B4GALT6: variants seen among roughly 807,000 people sequenced by gnomAD.
B4GALT6 encodes the protein UDP-Gal:beta-GlcNAc beta-1,4-galactosyltransferase 6.
B4GALT6 carries 14 observed loss-of-function variants against 46.3 expected under a neutral mutation model. That is an observed-to-expected ratio of 0.30 (90% CI 0.20 to 0.47). The LOEUF (loss-of-function observed/expected upper bound fraction) is 0.47, where lower values mean the gene tolerates loss of function less well. Among genes scored for constraint, B4GALT6 ranks in the 20% least tolerant of loss-of-function variants. The pLI is 0.99. For missense variants in B4GALT6, 386 were observed against 480.1 expected, an observed-to-expected ratio of 0.80 and a Z score of 1.83; for synonymous variants, 168 against 162.0, an observed-to-expected ratio of 1.04 and a Z score of -0.28.
In B4GALT6 at chr18:31,625,663, T is replaced by C; in HGVS notation, c.1100A>G (p.Asn367Ser). Residue 367 changes from asparagine (N) to serine (S), a missense_variant, in exon 9 of 9, where the codon AAC (asparagine) becomes AGC (serine). Physicochemically the swap from Asn to Ser is conservative, Grantham distance 46. Transcript: ENST00000306851. ...CTCTGGCATGAGGTTTACAGATATG[T>C]TTGTATACAACCTATCAACCAGTAT... ...PKILVDRLYTNISVNLMPELA... is the reference protein window; with the variant it reads ...PKILVDRLYTSISVNLMPELA... 1 of 1,613,676 alleles carries C rather than the reference T, an allele frequency of 6.2e-7. No individual in the cohort carries two copies. Among genetic ancestry groups the C allele is most frequent in the East Asian group, 2.2e-5 (1 of 44,862 alleles).
intron 3 of B4GALT6, among the ~76,000 whole-genome samples, chr18:31,645,802 T>G (rs1433337486): frequency 1.3e-5 from 2 of 152,220 alleles, no homozygotes; most frequent in Non-Finnish European, 2.9e-5. Context: ...AACACTGCAA[T>G]TTAACAACTA....
At position 31,624,910 on chromosome 18, in the gene B4GALT6, CA is replaced by C. The variant is rs2073668313; in HGVS notation, c.*703del. On this transcript the variant is annotated 3_prime_UTR_variant, in exon 9 of 9. Transcript: ENST00000306851. ...TAAACAATATGGTTGTGATTTCTAG[CA>C]AAATCAGATGAGATTGCAAGCAAGG... 1 of 152,596 alleles carries C rather than the reference CA, an allele frequency of 6.6e-6. No individual in the cohort carries two copies. The highest frequency in any genetic ancestry group is 1.5e-5 in the Non-Finnish European group (1 of 68,018). The allele number at this position is 152,596 out of a possible 1,614,324, so 9.5% of individuals were successfully genotyped here.
chr18:31,650,956 C>G (rs767271198), intron 3 of B4GALT6, among the ~76,000 whole-genome samples: 1 of 152,082 alleles, frequency 6.6e-6, no homozygotes, highest in African/African-American at 2.4e-5. Context: ...TTAGTAGAGA[C>G]GGGGTTTCAC....
chr18:31,658,234 A>T, intron 2 of B4GALT6, 145 bp from the exon 3 acceptor site: 1 of 605,242 alleles, frequency 1.7e-6, no homozygotes, highest in South Asian at 2.2e-5. Context: ...AAGGAACTAG[A>T]GAACAGCAAA....
intron 6 of B4GALT6, among the ~76,000 whole-genome samples, chr18:31,628,057 G>T (rs1234297028): frequency 2.0e-5 from 3 of 152,238 alleles, no homozygotes; most frequent in Non-Finnish European, 2.9e-5. Flanking sequence ...TGAGAAGGAC[G>T]TGCTGTTTGC....
chr18:31,682,959 G>C (rs1249930598), intron 1 of B4GALT6, among the ~76,000 whole-genome samples: 1 of 152,140 alleles, frequency 6.6e-6, no homozygotes, highest in African/African-American at 2.4e-5. Context: ...CAAGGGGTAG[G>C]TTTTTGTGAG....
chr18:31,711,226 C>T, the B4GALT6 span, among the ~76,000 whole-genome samples: 1 of 152,182 alleles, frequency 6.6e-6, no homozygotes, highest in Non-Finnish European at 1.5e-5. Flanking sequence ...TCTCCCAGGA[C>T]TGGTATCCAC....
intron 3 of B4GALT6, among the ~76,000 whole-genome samples, chr18:31,653,435 C>CTT (rs5823819): frequency 0.013 from 938 of 74,084 alleles, no homozygotes; most frequent in Non-Finnish European, 0.014. Context: ...AACCTTTTTT[C>CTT]TTTTTTTTTT....
chr18:31,707,662 T>C, the B4GALT6 span, among the ~76,000 whole-genome samples: 1 of 152,324 alleles, frequency 6.6e-6, no homozygotes, highest in Non-Finnish European at 1.5e-5. Flanking sequence ...GACATTGTCA[T>C]TTAAGGACAG....
At chr18:31,659,600 T>C (rs2074186945) in intron 2 of B4GALT6, among the ~76,000 whole-genome samples, 1 of 152,112 alleles carries the variant, frequency 6.6e-6, no homozygotes, top group Admixed American at 6.5e-5. Context: ...AGGGCATCAG[T>C]AAGGTGTTAA....
the B4GALT6 span, among the ~76,000 whole-genome samples, chr18:31,715,937 ATC>A: frequency 6.6e-6 from 1 of 152,098 alleles, no homozygotes; most frequent in Non-Finnish European, 1.5e-5. Context: ...TCATCTGATC[ATC>A]TCAACAACCT....
Position 31,623,664 on chromosome 18 carries a change from TA to T in B4GALT6, c.*1949del, listed in dbSNP as rs973119423. ...AGAAGGTTTGATTTTTCGAGTACCA[TA>T]AAAAAACTGAAATATAAATATTTTG... On this transcript the variant is annotated 3_prime_UTR_variant, in exon 9 of 9. Coordinates refer to ENST00000306851, the MANE Select transcript of B4GALT6 (RefSeq NM_004775.5). 1.3e-5 allele frequency: 2 copies of T among 152,230 alleles called. No individual in the cohort carries two copies. The highest frequency in any genetic ancestry group is 2.4e-5 in the African/African-American group (1 of 41,420). 9.4% of individuals were successfully genotyped at this position (152,230 alleles called of 1,614,324 possible).
At chr18:31,677,680 C>T (rs528210511) in intron 1 of B4GALT6, among the ~76,000 whole-genome samples, 2 of 152,246 alleles carry the variant, frequency 1.3e-5, no homozygotes, top group Admixed American at 1.3e-4. Flanking sequence ...ATGAAAACAT[C>T]TTTTAAATAT....
chr18:31,641,949 G>A (rs904533329), intron 4 of B4GALT6, among the ~76,000 whole-genome samples: 1 of 152,164 alleles, frequency 6.6e-6, no homozygotes, highest in African/African-American at 2.4e-5. Flanking sequence ...AAATGACATG[G>A]CTTTAGGCTT....
chr18:31,708,093 A>G, the B4GALT6 span, among the ~76,000 whole-genome samples: 3,536 of 152,302 alleles, frequency 0.023, 109 homozygotes, highest in African/African-American at 0.068. Flanking sequence ...ATGATCACCT[A>G]TGAAATTTGG....
chr18:31,635,246 C>A (rs139058040), intron 5 of B4GALT6, among the ~76,000 whole-genome samples: 104 of 146,194 alleles, frequency 7.1e-4, no homozygotes, highest in African/African-American at 1.7e-3. Flanking sequence ...AACAAACAAA[C>A]AAAAAAAAAA....
chr18:31,667,999 A>C (rs898231778), intron 1 of B4GALT6, among the ~76,000 whole-genome samples: 1 of 151,792 alleles, frequency 6.6e-6, no homozygotes, highest in Non-Finnish European at 1.5e-5. Context: ...CAGGAGGCTG[A>C]GGCAGGAGAA....
At chr18:31,626,883 C>A in intron 7 of B4GALT6, 116 bp downstream of exon 7, 2 of 841,578 alleles carry the variant, frequency 2.4e-6, no homozygotes, top group Non-Finnish European at 3.5e-6. Flanking sequence ...GGTTTAGAAA[C>A]CTCAAACATA....
the B4GALT6 span, among the ~76,000 whole-genome samples, chr18:31,719,998 T>C: frequency 6.6e-6 from 1 of 152,238 alleles, no homozygotes; most frequent in Non-Finnish European, 1.5e-5. Flanking sequence ...TCTAAACTTG[T>C]AGCTAATTTG....
Sources: gnomAD v4.1 joint callset for allele counts (sites outside exome capture counted in the v4.1 genomes callset) on GRCh38, gnomAD v4.1.1 for gene constraint, MANE v1.5 for transcripts, NCBI Gene and HGNC (gene_info 2026-07-23, HGNC 2026-07-21) for gene names.